The following B3GAT2 variants were observed in gnomAD, a reference collection of about 807,000 sequenced individuals.
B3GAT2 encodes the protein beta-1,3-glucuronyltransferase 2.
B3GAT2 carries 26 observed loss-of-function variants against 27.8 expected under a neutral mutation model. The ratio of observed to expected loss-of-function variants is 0.93; its 90% CI spans 0.68 to 1.30. The LOEUF is 1.30. B3GAT2 is among the 50% of genes most tolerant of loss of function. B3GAT2 has a pLI of 0.00. For synonymous variants in B3GAT2, 218 were observed against 195.1 expected, an observed-to-expected ratio of 1.12 and a Z score of -0.98; for missense variants, 458 against 459.0, an observed-to-expected ratio of 1.00 and a Z score of 0.02.
At chr6:70,947,694 C>G (rs201459472) in intron 1 of B3GAT2, among the ~76,000 whole-genome samples, 10,427 of 151,086 alleles carry the variant, frequency 0.069, 357 homozygotes, top group Admixed American at 0.12. Context: ...CTATTCCAAT[C>G]AATAGAAAAA....
At chr6:70,924,503 C>T (rs1772921684) in intron 1 of B3GAT2, among the ~76,000 whole-genome samples, 1 of 152,152 alleles carries the variant, frequency 6.6e-6, no homozygotes, top group African/African-American at 2.4e-5. Context: ...AATTTCAAAA[C>T]TTATAACAAA....
At chr6:70,945,439 G>T (rs1765464505) in intron 1 of B3GAT2, among the ~76,000 whole-genome samples, 1 of 152,098 alleles carries the variant, frequency 6.6e-6, no homozygotes, top group South Asian at 2.1e-4. Context: ...GAAGCCTCAG[G>T]AGCTGATGCG....
intron 1 of B3GAT2, among the ~76,000 whole-genome samples, chr6:70,927,450 C>T (rs1772982187): frequency 1.3e-5 from 2 of 152,262 alleles, no homozygotes; most frequent in South Asian, 2.1e-4. Flanking sequence ...TGCAGAGACA[C>T]ACATAGGCTC....
intron 1 of B3GAT2, among the ~76,000 whole-genome samples, chr6:70,951,866 CT>C (rs1765582827): frequency 6.6e-6 from 1 of 152,036 alleles, no homozygotes; most frequent in Non-Finnish European, 1.5e-5. Context: ...GTAAAATGGT[CT>C]TTTAATGTTC....
chr6:70,863,120 T>G (rs899293314), intron 2 of B3GAT2, among the ~76,000 whole-genome samples: 1 of 152,230 alleles, frequency 6.6e-6, no homozygotes, highest in African/African-American at 2.4e-5. Context: ...CTCTTTTTCC[T>G]TAGTGACTAA....
intron 2 of B3GAT2, among the ~76,000 whole-genome samples, chr6:70,881,883 T>C (rs1772104551): frequency 6.6e-6 from 1 of 152,206 alleles, no homozygotes. Flanking sequence ...CTCACATTTC[T>C]CCCAGAAGCT....
chr6:70,909,352 ATG>A (rs893799108), intron 1 of B3GAT2, among the ~76,000 whole-genome samples: 1 of 152,254 alleles, frequency 6.6e-6, no homozygotes, highest in Non-Finnish European at 1.5e-5. Flanking sequence ...ATAAAAGAAT[ATG>A]GGAAATCATA....
At chr6:70,902,653 C>T (rs1025248717) in intron 1 of B3GAT2, among the ~76,000 whole-genome samples, 1 of 149,806 alleles carries the variant, frequency 6.7e-6, no homozygotes, top group East Asian at 2.1e-4. Flanking sequence ...CACACACACA[C>T]ACACACACAC....
intron 1 of B3GAT2, among the ~76,000 whole-genome samples, chr6:70,931,998 A>G (rs1773070583): frequency 6.6e-6 from 1 of 152,228 alleles, no homozygotes; most frequent in Non-Finnish European, 1.5e-5. Context: ...CAAATGGCCA[A>G]TAAGCACATG....
chr6:70,860,339 T>G lies in B3GAT2; in HGVS notation c.*1324A>C. 6.2e-7 allele frequency: 1 copy of G among 1,604,146 alleles called. No individual in the cohort carries two copies. The highest frequency in any genetic ancestry group is 2.2e-5 in the East Asian group (1 of 44,752). ...AGCACACAACTGTGGAAATGAAAAC[T>G]GCAATACAAGTTTCATCCAGAACTA... is the stretch of plus-strand genomic sequence containing the variant. On this transcript the variant is annotated 3_prime_UTR_variant, in exon 4 of 4. Transcript: ENST00000230053.
chr6:70,943,942 G>A (rs1426237385), intron 1 of B3GAT2, among the ~76,000 whole-genome samples: 1 of 152,138 alleles, frequency 6.6e-6, no homozygotes, highest in Non-Finnish European at 1.5e-5. Context: ...CTGCTGAGGA[G>A]ATTTTAAATG....
chr6:70,870,556 GAA>G (rs890392747), intron 2 of B3GAT2, among the ~76,000 whole-genome samples: 2 of 149,026 alleles, frequency 1.3e-5, no homozygotes, highest in South Asian at 2.1e-4. Flanking sequence ...ATAAAAAAAA[GAA>G]AAAAAAAGAG....
intron 2 of B3GAT2, among the ~76,000 whole-genome samples, chr6:70,877,784 A>G (rs1772038240): frequency 6.6e-6 from 1 of 152,202 alleles, no homozygotes. Context: ...AAAGGCATAG[A>G]TACCTGAGAT....
chr6:70,949,948 A>T (rs1056939558), intron 1 of B3GAT2, among the ~76,000 whole-genome samples: 22 of 151,848 alleles, frequency 1.4e-4, no homozygotes, highest in Admixed American at 1.1e-3. Context: ...GTAAACTATC[A>T]CAAGGACAAA....
At chr6:70,902,637 T>C (rs9354945) in intron 1 of B3GAT2, among the ~76,000 whole-genome samples, 14,179 of 133,094 alleles carry the variant, frequency 0.11, 1,119 homozygotes, top group African/African-American at 0.2. Context: ...TATATATATA[T>C]ACACACACAC....
chr6:70,914,615 T>A (rs929461347), intron 1 of B3GAT2, among the ~76,000 whole-genome samples: 4 of 152,200 alleles, frequency 2.6e-5, no homozygotes, highest in African/African-American at 9.7e-5. Context: ...TGTTTTCCCC[T>A]CTTGGTGCCA....
In B3GAT2 at chr6:70,953,588, T is replaced by C. The variant is rs567292082; in HGVS notation, c.591+2251A>G. Among the ~76,000 whole-genome samples the C allele has an allele frequency of 3.3e-5, 5 of 152,336 alleles. No homozygotes were observed. In the East Asian group the frequency reaches 7.7e-4, roughly 23 times the overall value. On this transcript the variant is annotated intron_variant, in intron 1 of 3. Coordinates refer to ENST00000230053, the MANE Select transcript of B3GAT2 (RefSeq NM_080742.3). Reference sequence around the variant, plus strand: ...CTGTCTGGGAGTGACCTCCAGGAGATAGAAAACTTAAATTCTAAGTATGTC... The same window carrying C: ...CTGTCTGGGAGTGACCTCCAGGAGACAGAAAACTTAAATTCTAAGTATGTC...
rs148747735 is a variant in B3GAT2 at position 70,879,724 on chromosome 6, C to G, written c.736+14404G>C. On this transcript the variant is annotated intron_variant, in intron 2 of 3. Coordinates refer to ENST00000230053, the MANE Select transcript of B3GAT2 (RefSeq NM_080742.3). The stretch of plus-strand genomic sequence containing the variant: ...AAGAAATCTGACCCTCCAGGGTGGA[C>G]CAAGGATGATTAAGCTGGACTCTGA... 5.3e-4 allele frequency among the ~76,000 whole-genome samples: 81 copies of G among 152,016 alleles called. 1 individual carries two copies. The highest frequency in any genetic ancestry group is 1.8e-3 in the African/African-American group (75 of 41,466).
intron 2 of B3GAT2, among the ~76,000 whole-genome samples, chr6:70,884,431 G>T (rs1166419319): frequency 3.3e-5 from 5 of 152,184 alleles, no homozygotes; most frequent in Non-Finnish European, 2.9e-5. Context: ...GCAAACATTT[G>T]TTCAAGCTAT....
Sources: gnomAD v4.1 joint callset for allele counts (sites outside exome capture counted in the v4.1 genomes callset) on GRCh38, gnomAD v4.1.1 for gene constraint, MANE v1.5 for transcripts, NCBI Gene and HGNC (gene_info 2026-07-23, HGNC 2026-07-21) for gene names.